The following SGCZ variants were observed in gnomAD, a reference collection of about 807,000 sequenced individuals.
SGCZ encodes sarcoglycan zeta, also known as zeta-sarcoglycan.
SGCZ carries 40 observed loss-of-function variants against 41.3 expected under a neutral mutation model. The observed-to-expected ratio is 0.97, with a 90% CI of 0.75 to 1.26. SGCZ has a LOEUF of 1.26. Ranked by LOEUF, SGCZ falls within the 50% of genes most tolerant of loss-of-function variation. The probability of loss-of-function intolerance (pLI) is 0.00; values close to 1 mark genes in which losing one functional copy is unlikely to be tolerated. For synonymous variants in SGCZ, 206 were observed against 137.5 expected (o/e 1.50, Z -3.49); for missense variants, 552 against 369.8 (o/e 1.49, Z -4.04).
At chr8:14,796,365 C>T (rs895575122) in intron 1 of SGCZ, among the ~76,000 whole-genome samples, 1 of 152,052 alleles carries the variant, frequency 6.6e-6, no homozygotes, top group African/African-American at 2.4e-5. Context: ...GTGATCATTC[C>T]ACCTTGGCGT....
rs958888796 is a variant in SGCZ, at chr8:14,668,081, C to A, written c.40-113155G>T. Among the ~76,000 whole-genome samples the A allele has an allele frequency of 2.0e-5, 3 of 152,192 alleles. No homozygotes were observed. The South Asian group carries it at 6.2e-4, about 32-fold the overall frequency. ...AAGGGATTCTCCTGCCTCAGCCTCC[C>A]GAGTGGCTGGGATTACAGGCACCCC... On this transcript the variant is annotated intron_variant, in intron 1 of 7. Coordinates refer to ENST00000382080, the MANE Select transcript of SGCZ (RefSeq NM_139167.4).
chr8:14,157,357 T>TGTGTGA (rs1554469413), intron 5 of SGCZ, among the ~76,000 whole-genome samples: 8 of 142,514 alleles, frequency 5.6e-5, no homozygotes, highest in African/African-American at 2.1e-4. Flanking sequence ...TGTGTGTGTG[T>TGTGTGA]GTGTGTGAGT....
At chr8:14,138,561 C>G (rs1470148806) in intron 5 of SGCZ, among the ~76,000 whole-genome samples, 1 of 149,648 alleles carries the variant, frequency 6.7e-6, no homozygotes, top group Non-Finnish European at 1.5e-5. Flanking sequence ...ATAAAATGGA[C>G]TTCAAACCAA....
chr8:14,917,343 T>G (rs1380064589), intron 1 of SGCZ, among the ~76,000 whole-genome samples: 3 of 152,094 alleles, frequency 2.0e-5, no homozygotes, highest in South Asian at 4.1e-4. Flanking sequence ...CTATGATTAC[T>G]CTTTTTATTT....
At chr8:14,702,818 TAGATAGATA>T (rs1563212922) in intron 1 of SGCZ, among the ~76,000 whole-genome samples, 2 of 2,268 alleles carry the variant, frequency 8.8e-4, no homozygotes, top group African/African-American at 2.4e-3. Flanking sequence ...GTTAGGTAGA[TAGATAGATA>T]GATAGATAGA....
At chr8:14,768,087 A>G (rs1800100828) in intron 1 of SGCZ, among the ~76,000 whole-genome samples, 1 of 152,200 alleles carries the variant, frequency 6.6e-6, no homozygotes, top group Admixed American at 6.5e-5. Flanking sequence ...AGTGCACTCT[A>G]TTAAGCCCTA....
intron 1 of SGCZ, chr8:14,879,820 T>C (rs1350563239): frequency 6.6e-6 from 1 of 150,824 alleles, no homozygotes; most frequent in Non-Finnish European, 1.5e-5. Flanking sequence ...AAAAGTTGGG[T>C]TTTTGTTTTT....
intron 1 of SGCZ, among the ~76,000 whole-genome samples, chr8:14,707,932 G>A (rs956778472): frequency 6.6e-6 from 1 of 151,880 alleles, no homozygotes; most frequent in Non-Finnish European, 1.5e-5. Flanking sequence ...GTATGATTTG[G>A]GGTTCAGAGA....
chr8:14,535,324 A>C (rs6986539), intron 2 of SGCZ, among the ~76,000 whole-genome samples: 46,224 of 151,680 alleles, frequency 0.3, 7,170 homozygotes, highest in Middle Eastern at 0.5. Flanking sequence ...GAAAAAAAAA[A>C]GTCTGCTTGC....
intron 4 of SGCZ, among the ~76,000 whole-genome samples, chr8:14,228,517 T>C (rs934425367): frequency 6.6e-6 from 1 of 152,120 alleles, no homozygotes; most frequent in Admixed American, 6.6e-5. Flanking sequence ...CTTATATAAT[T>C]ATCAAATTAA....
At chr8:14,439,850 G>C (rs1361168329) in intron 2 of SGCZ, among the ~76,000 whole-genome samples, 1 of 151,772 alleles carries the variant, frequency 6.6e-6, no homozygotes, top group African/African-American at 2.4e-5. Flanking sequence ...CTCATCTTTT[G>C]GGCCTCCTCA....
At chr8:14,932,756 A>C (rs1799954902) in intron 1 of SGCZ, among the ~76,000 whole-genome samples, 1 of 151,972 alleles carries the variant, frequency 6.6e-6, no homozygotes. Flanking sequence ...CAAACTTTCC[A>C]CTCCAAAACA....
chr8:14,574,572 C>T (rs1804653078), intron 1 of SGCZ, among the ~76,000 whole-genome samples: 1 of 152,196 alleles, frequency 6.6e-6, no homozygotes, highest in South Asian at 2.1e-4. Context: ...TTGCCATCAG[C>T]TCAAACCCTT....
At position 14,327,841 on chromosome 8, in the gene SGCZ, C is replaced by T. The variant is rs151285526; in HGVS notation, c.235-3637G>A. Among the ~76,000 whole-genome samples, 776 of 152,226 alleles carry T rather than the reference C, an allele frequency of 5.1e-3. 7 individuals are homozygous for T. Among genetic ancestry groups the T allele is most frequent in the African/African-American group, 0.017 (720 of 41,544 alleles). ...CTTTCGCCAGGCTGGAGTGCAGCGG[C>T]GCAATCTTGGCTCACTGCAACCTCC... On this transcript the variant is annotated intron_variant, in intron 2 of 7. Transcript: ENST00000382080.
chr8:14,205,949 T>C lies in SGCZ; in HGVS notation c.424+31643A>G, dbSNP rs1031999420. On this transcript the variant is annotated intron_variant, in intron 4 of 7. Coordinates refer to ENST00000382080, the MANE Select transcript of SGCZ (RefSeq NM_139167.4). ...TATTTTACATAGAAATAATTCGAGT[T>C]CATATAGGCTAAGAAAGTTGACCAG... 1.3e-4 allele frequency among the ~76,000 whole-genome samples: 20 copies of C among 152,192 alleles called. No individual in the cohort carries two copies. The East Asian group carries it at 3.9e-3, about 29-fold the overall frequency.
chr8:14,502,401 T>C (rs980831404), intron 2 of SGCZ, among the ~76,000 whole-genome samples: 1 of 152,166 alleles, frequency 6.6e-6, no homozygotes, highest in Non-Finnish European at 1.5e-5. Flanking sequence ...TAAAGAATTC[T>C]TCATCTCATT....
chr8:14,971,420 T>C (rs936851820), intron 1 of SGCZ, among the ~76,000 whole-genome samples: 2 of 152,124 alleles, frequency 1.3e-5, no homozygotes, highest in Non-Finnish European at 2.9e-5. Flanking sequence ...TCACAGCTGT[T>C]CTCTATCATT....
chr8:14,624,555 A>ATTATTATTATTTT (rs1438250019), intron 1 of SGCZ, among the ~76,000 whole-genome samples: 2 of 96,240 alleles, frequency 2.1e-5, no homozygotes, highest in Non-Finnish European at 4.0e-5. Flanking sequence ...TATTATTATT[A>ATTATTATTATTTT]TTTTTTTTTT....
intron 1 of SGCZ, among the ~76,000 whole-genome samples, chr8:14,592,574 A>G (rs1363296611): frequency 1.3e-5 from 2 of 150,138 alleles, no homozygotes; most frequent in Non-Finnish European, 3.0e-5. Flanking sequence ...CACCTAGCAT[A>G]TTTTATTACT....
Sources: allele counts gnomAD v4.1 joint callset (sites outside exome capture counted in the v4.1 genomes callset), GRCh38; gene constraint gnomAD v4.1.1; transcripts MANE v1.5; gene names NCBI Gene and HGNC (gene_info 2026-07-23, HGNC 2026-07-21).